Variants in TSHZ1 observed in about 807,000 individuals in gnomAD.
TSHZ1 encodes teashirt homolog 1.
Under a neutral mutation model 67.1 loss-of-function variants are expected in TSHZ1, and 12 were observed. The ratio of observed to expected loss-of-function variants is 0.18; its 90% CI spans 0.11 to 0.29. TSHZ1 has a LOEUF of 0.29. Among genes scored for constraint, TSHZ1 ranks in the 10% least tolerant of loss-of-function variants. TSHZ1 has a pLI of 1.00. For synonymous variants in TSHZ1, 632 were observed against 622.4 expected (o/e 1.02, Z -0.23); for missense variants, 1,305 against 1,413.9 (o/e 0.92, Z 1.23).
Position 75,281,909 on chromosome 18 carries a change from C to CAGGG in TSHZ1, c.41-3538_41-3537insGGGA, listed in dbSNP as rs2023691691. Among the ~76,000 whole-genome samples, 4 of 152,140 alleles carry CAGGG rather than the reference C, an allele frequency of 2.6e-5. No individual in the cohort carries two copies. Among genetic ancestry groups the CAGGG allele is most frequent in the Non-Finnish European group, 4.4e-5 (3 of 68,016 alleles). On this transcript the variant is annotated intron_variant, in intron 1 of 1. Transcript: ENST00000580243. This position sits in a 1 kb window ranked among gnomAD's most constrained non-coding sequence, Gnocchi z 5.3. ...CTCCCTGCCTTCCAAAAGTGTCCCT[C>CAGGG]ACCTACCCGGTCAGAGGCTGCCTGA...
At chr18:75,251,842 TA>T in intron 1 of TSHZ1, among the ~76,000 whole-genome samples, 1 of 152,380 alleles carries the variant, frequency 6.6e-6, no homozygotes, top group Middle Eastern at 3.4e-3. Context: ...AAAGCTGGAA[TA>T]AAGGTGTTAA....
intron 1 of TSHZ1, among the ~76,000 whole-genome samples, chr18:75,244,067 G>C (rs1397647798): frequency 6.6e-6 from 1 of 152,206 alleles, no homozygotes; most frequent in Non-Finnish European, 1.5e-5. Flanking sequence ...AAGGGGATGA[G>C]GTTGCTTGAC....
intron 1 of TSHZ1, among the ~76,000 whole-genome samples, chr18:75,266,919 A>G (rs1454129897): frequency 1.3e-5 from 2 of 152,238 alleles, no homozygotes; most frequent in African/African-American, 4.8e-5. Flanking sequence ...CCAAAATTAA[A>G]TTGCAGGGAA....
chr18:75,254,566 C>A (rs1235038668), intron 1 of TSHZ1, among the ~76,000 whole-genome samples: 1 of 152,242 alleles, frequency 6.6e-6, no homozygotes, highest in East Asian at 1.9e-4. Flanking sequence ...TCACGAGTAT[C>A]TTCTAGGCTA....
chr18:75,218,581 G>C (rs1249081081), intron 1 of TSHZ1, among the ~76,000 whole-genome samples: 1 of 152,162 alleles, frequency 6.6e-6, no homozygotes, highest in Admixed American at 6.5e-5. Flanking sequence ...ATTGTAAGTC[G>C]TTAACTAGAC....
At chr18:75,280,072 AT>A (rs2023666343) in intron 1 of TSHZ1, among the ~76,000 whole-genome samples, 1 of 152,244 alleles carries the variant, frequency 6.6e-6, no homozygotes, top group South Asian at 2.1e-4. Flanking sequence ...TACTGTGTAT[AT>A]AATTTTGTCT....
chr18:75,266,962 G>A (rs1223802116), intron 1 of TSHZ1, among the ~76,000 whole-genome samples: 1 of 152,212 alleles, frequency 6.6e-6, no homozygotes. Context: ...GCTTAGAAAT[G>A]ACTTGTCATA....
chr18:75,283,414 T>C (rs1313566195), intron 1 of TSHZ1: 2 of 152,258 alleles, frequency 1.3e-5, no homozygotes, highest in Non-Finnish European at 2.9e-5. Flanking sequence ...AATTATCTTT[T>C]AATTTTATGA....
intron 1 of TSHZ1, among the ~76,000 whole-genome samples, chr18:75,279,024 A>G (rs896069758): frequency 2.0e-5 from 3 of 152,040 alleles, no homozygotes; most frequent in African/African-American, 7.2e-5. Flanking sequence ...TGGTCACAAG[A>G]GCTTCAGACA....
chr18:75,261,722 C>A (rs1453394174), intron 1 of TSHZ1, among the ~76,000 whole-genome samples: 2 of 152,234 alleles, frequency 1.3e-5, no homozygotes, highest in African/African-American at 4.8e-5. Flanking sequence ...CTAAGAGCTG[C>A]TGTCATCATT....
intron 1 of TSHZ1, among the ~76,000 whole-genome samples, chr18:75,214,964 A>G (rs1450551731): frequency 6.6e-6 from 1 of 152,074 alleles, no homozygotes; most frequent in African/African-American, 2.4e-5. Context: ...TGCAGTATTA[A>G]CTCAATTTGC....
At chr18:75,221,189 A>G (rs1303517753) in intron 1 of TSHZ1, 1 of 152,212 alleles carries the variant, frequency 6.6e-6, no homozygotes, top group Admixed American at 6.5e-5. Flanking sequence ...TAGGTCAAGT[A>G]CTTACATGCT....
At chr18:75,224,892 T>G (rs951434555) in intron 1 of TSHZ1, among the ~76,000 whole-genome samples, 5 of 152,214 alleles carry the variant, frequency 3.3e-5, no homozygotes, top group African/African-American at 1.2e-4. Flanking sequence ...AGAGAATTCC[T>G]AACGCGTGCT....
Position 75,286,650 on chromosome 18 carries a change from A to T in TSHZ1, c.1243A>T (p.Ile415Phe). The T allele has an allele frequency of 1.2e-6, 2 of 1,614,220 alleles. No homozygotes were observed. Among genetic ancestry groups the T allele is most frequent in the Non-Finnish European group, 1.7e-6 (2 of 1,180,046 alleles). Residue 415 changes from isoleucine to phenylalanine, a missense_variant, in exon 2 of 2, where the codon ATC becomes TTC. Around this residue, in one of 3 missense-constraint regions of TSHZ1, gnomAD observed 909 missense variants for 961.8 expected, o/e 0.95. Transcript: ENST00000580243. This position sits in a 1 kb window ranked among gnomAD's most constrained non-coding sequence, Gnocchi z 5.1. ...GCAGTTTGAGGCCCGCAAGGCGCAG[A>T]TCCTCAAGTGCATGGAGTGTGGCAG... ...TWQFEARKAQ[I>F]LKCMECGSSH...
chr18:75,260,815 G>T (rs2023421287), intron 1 of TSHZ1, among the ~76,000 whole-genome samples: 2 of 152,184 alleles, frequency 1.3e-5, no homozygotes, highest in African/African-American at 2.4e-5. Context: ...GGCCGTGGTG[G>T]TGATATACCA....
chr18:75,278,687 G>A (rs2023645315), intron 1 of TSHZ1, among the ~76,000 whole-genome samples: 1 of 152,062 alleles, frequency 6.6e-6, no homozygotes, highest in African/African-American at 2.4e-5. Context: ...GTTGAGCCTT[G>A]GGAGGGTCCT....
chr18:75,212,902 G>C (rs558673183), intron 1 of TSHZ1, among the ~76,000 whole-genome samples: 5 of 152,160 alleles, frequency 3.3e-5, no homozygotes, highest in Non-Finnish European at 7.3e-5. Context: ...TGGACATTGC[G>C]TTTGTGGGGC....
intron 1 of TSHZ1, among the ~76,000 whole-genome samples, chr18:75,253,484 C>T (rs1450536153): frequency 6.6e-6 from 1 of 152,220 alleles, no homozygotes; most frequent in Non-Finnish European, 1.5e-5. Context: ...TTAAAATCAG[C>T]CCAGGCTGCA....
chr18:75,238,068 T>C lies in TSHZ1; in HGVS notation c.40+26152T>C, dbSNP rs184283681. ...CGCCCACCTTGGCCTCCCAAAGTGCTGGGATTACAAGCGTGAGCCACCACG... is the reference window on the plus strand; with the variant it reads ...CGCCCACCTTGGCCTCCCAAAGTGCCGGGATTACAAGCGTGAGCCACCACG... On this transcript the variant is annotated intron_variant, in intron 1 of 1. Coordinates refer to ENST00000580243, the MANE Select transcript of TSHZ1 (RefSeq NM_001308210.2). 1.7e-3 allele frequency among the ~76,000 whole-genome samples: 258 copies of C among 152,302 alleles called. 2 individuals are homozygous for C. Among genetic ancestry groups the C allele is most frequent in the African/African-American group, 4.8e-3 (198 of 41,580 alleles).
Sources: allele counts gnomAD v4.1 joint callset (sites outside exome capture counted in the v4.1 genomes callset), GRCh38; gene constraint gnomAD v4.1.1; regional missense constraint gnomAD v4.1.1; non-coding constraint Gnocchi (gnomAD v3.1); transcripts MANE v1.5; gene names NCBI Gene and HGNC (gene_info 2026-07-23, HGNC 2026-07-21).